ZFP36L1: variants seen among roughly 807,000 people sequenced by gnomAD.
ZFP36L1 encodes the protein mRNA decay activator protein ZFP36L1.
Under a neutral mutation model 16.7 loss-of-function variants are expected in ZFP36L1, and 4 were observed. The ratio of observed to expected loss-of-function variants is 0.24; its 90% CI spans 0.12 to 0.55. The LOEUF (loss-of-function observed/expected upper bound fraction) is 0.55, where lower values mean the gene tolerates loss of function less well. Among genes scored for constraint, ZFP36L1 ranks in the 20% least tolerant of loss-of-function variants. The pLI, the probability that ZFP36L1 is intolerant of heterozygous loss-of-function variation, is 0.94. For missense variants in ZFP36L1, 311 were observed against 449.2 expected, an observed-to-expected ratio of 0.69 and a Z score of 2.78; for synonymous variants, 220 against 190.8, an observed-to-expected ratio of 1.15 and a Z score of -1.26.
upstream of ZFP36L1, chr14:68,793,765 T>C: frequency 1.0e-6 from 1 of 985,478 alleles, no homozygotes; most frequent in Non-Finnish European, 1.2e-6. Context: ...TTGCTGTTTT[T>C]TTTCCAGCGG....
At chr14:68,795,918 A>G, upstream of ZFP36L1, 1 of 1,068,718 alleles carries the variant, frequency 9.4e-7, no homozygotes, top group Non-Finnish European at 1.3e-6. Flanking sequence ...GCCCTCGCCC[A>G]GACGTGGTCG....
upstream of ZFP36L1, chr14:68,795,991 C>A (rs1305437948): frequency 4.6e-6 from 6 of 1,316,354 alleles, no homozygotes; most frequent in Non-Finnish European, 5.0e-6. Flanking sequence ...GCGAGGCGTG[C>A]GTGGCCGTCC....
rs1594716574 is a variant in ZFP36L1 at position 68,790,085 on chromosome 14, C to T, written c.465G>A (p.Thr155=). The T allele has an allele frequency of 5.6e-6, 9 of 1,611,790 alleles. No individual in the cohort carries two copies. In the South Asian group the frequency reaches 7.7e-5, roughly 14 times the overall value. The part of the protein sequence containing the change: ...RSLTRHPKYK[T]ELCRTFHTIG... ...TGGTGTGGAAGGTGCGGCACAGCTCCGTCTTGTACTTGGGGTGGCGGGTCA... is the reference window on the plus strand; with the variant it reads ...TGGTGTGGAAGGTGCGGCACAGCTCTGTCTTGTACTTGGGGTGGCGGGTCA... The change falls in exon 2 of 2, where the codon ACG becomes ACA. Residue 155 remains threonine (T), a synonymous_variant. Coordinates refer to ENST00000439696, the MANE Select transcript of ZFP36L1 (RefSeq NM_004926.4).
chr14:68,792,867 T>TC lies in ZFP36L1; in HGVS notation c.57+14dup. ...AAAAGACTTTTTGAAAAGCAAATGCTCCGCCCCCCTTTACCTTGCATAAAA... is the reference window on the plus strand; with the variant it reads ...AAAAGACTTTTTGAAAAGCAAATGCTCCCGCCCCCCTTTACCTTGCATAAAA... On this transcript the variant is annotated intron_variant, in intron 1 of 1. Coordinates refer to ENST00000439696, the MANE Select transcript of ZFP36L1 (RefSeq NM_004926.4). 4.3e-6 allele frequency: 7 copies of TC among 1,614,070 alleles called. No individual in the cohort carries two copies. The highest frequency in any genetic ancestry group is 5.9e-6 in the Non-Finnish European group (7 of 1,179,970).
intron 1 of ZFP36L1, among the ~76,000 whole-genome samples, chr14:68,792,034 G>C (rs1594717728): frequency 6.6e-6 from 1 of 152,302 alleles, no homozygotes. Flanking sequence ...ATAGACTTTT[G>C]CTATGTACAT....
At chr14:68,792,573 A>T (rs1168797164) in intron 1 of ZFP36L1, among the ~76,000 whole-genome samples, 3 of 152,156 alleles carry the variant, frequency 2.0e-5, no homozygotes, top group South Asian at 2.1e-4. Flanking sequence ...GTAAAACAGG[A>T]TCGCCCAAAA....
intron 1 of ZFP36L1, 121 bp downstream of exon 1, chr14:68,792,761 A>G (rs531499532): frequency 1.4e-6 from 2 of 1,390,592 alleles, no homozygotes; most frequent in Middle Eastern, 2.2e-4. Flanking sequence ...GCCGGAGGAG[A>G]AAAGAATCAT....
chr14:68,790,597 A>T, intron 1 of ZFP36L1, 105 bp from the exon 2 acceptor site: 9 of 1,456,876 alleles, frequency 6.2e-6, no homozygotes, highest in Non-Finnish European at 8.4e-6. Context: ...TTCTCAAAGA[A>T]CTCATCTCTA....
At chr14:68,795,688 C>T (rs1161310412), upstream of ZFP36L1, 6 of 473,826 alleles carry the variant, frequency 1.3e-5, no homozygotes, top group Admixed American at 1.1e-4. Flanking sequence ...TGGCCTAGCC[C>T]GCTCGCTCCC....
rs1348789957 is a variant in ZFP36L1, at chr14:68,789,985, G to T, written c.565C>A (p.Arg189=). The change falls in exon 2 of 2, where the codon CGG becomes AGG. Residue 189 remains arginine (R), a synonymous_variant. Coordinates refer to ENST00000439696, the MANE Select transcript of ZFP36L1 (RefSeq NM_004926.4). The surrounding 1 kb of genome is among the most constrained non-coding windows in gnomAD (Gnocchi z 4.5). The part of the protein sequence containing the change: ...AEERRALAGA[R]DLSADRPRLQ... ...CGGGGACGGTCAGCGGAGAGGTCCC[G>T]GGCCCCGGCCAGGGCACGGCGCTCT... 2.5e-6 allele frequency: 4 copies of T among 1,605,930 alleles called. No homozygotes were observed. Among genetic ancestry groups the T allele is most frequent in the Non-Finnish European group, 3.4e-6 (4 of 1,176,676 alleles).
intron 1 of ZFP36L1, chr14:68,791,220 C>T: frequency 1.7e-6 from 1 of 573,980 alleles, no homozygotes; most frequent in East Asian, 3.0e-5. Context: ...CCGCCCCCTT[C>T]ACTGAGAAGA....
At chr14:68,795,882 G>A (rs777767014), upstream of ZFP36L1, 1 of 685,526 alleles carries the variant, frequency 1.5e-6, no homozygotes, top group African/African-American at 1.8e-5. Context: ...CCGCCGCGGT[G>A]AGGGCCCGAG....
Position 68,790,356 on chromosome 14 carries a change from T to G in ZFP36L1, c.194A>C (p.Asn65Thr), listed in dbSNP as rs1594716798. 1 of 1,613,100 alleles carries G rather than the reference T, an allele frequency of 6.2e-7. No individual in the cohort carries two copies. Among genetic ancestry groups the G allele is most frequent in the Non-Finnish European group, 8.5e-7 (1 of 1,179,678 alleles). ...ACCCTTGAGGCTGCTGAGGAGCTGG[T>G]TCTGGTGGAACTTGGAGCTGGGCAG... is the stretch of plus-strand genomic sequence containing the variant. ...VTLPSSKFHQ[N>T]QLLSSLKGEP... is the part of the protein sequence containing the mutation. The change falls in exon 2 of 2, where the codon AAC (asparagine) becomes ACC (threonine). Residue 65 changes from asparagine (N) to threonine (T), a missense_variant. Physicochemically the swap from Asn to Thr is moderately conservative, Grantham distance 65 (BLOSUM62 0). Around this residue, in one of 4 missense-constraint regions of ZFP36L1, gnomAD observed 137 missense variants for 142.6 expected, o/e 0.96. Coordinates refer to ENST00000439696, the MANE Select transcript of ZFP36L1 (RefSeq NM_004926.4).
At position 68,792,993 on chromosome 14, in the gene ZFP36L1, G is replaced by A. The variant is rs1224137242; in HGVS notation, c.-55C>T. Reference sequence around the variant, plus strand: ...GATCTGGTGTGTCGCGAAGGTCCCGGTGCGGGGAAGGCGCAGCCTCTCCTG... The same window carrying A: ...GATCTGGTGTGTCGCGAAGGTCCCGATGCGGGGAAGGCGCAGCCTCTCCTG... On this transcript the variant is annotated 5_prime_UTR_variant, in exon 1 of 2. Coordinates refer to ENST00000439696, the MANE Select transcript of ZFP36L1 (RefSeq NM_004926.4). 6.2e-7 allele frequency: 1 copy of A among 1,611,236 alleles called. No individual in the cohort carries two copies.
chr14:68,792,739 C>T (rs562106918), intron 1 of ZFP36L1, 143 bp downstream of exon 1: 3 of 1,245,336 alleles, frequency 2.4e-6, no homozygotes, highest in Admixed American at 1.7e-5. Context: ...TTCCTTCAAA[C>T]TTGGGAGAAA....
chr14:68,795,357 G>A (rs1216670558), upstream of ZFP36L1, among the ~76,000 whole-genome samples: 3 of 130,798 alleles, frequency 2.3e-5, no homozygotes, highest in Admixed American at 8.6e-5. Context: ...TTTAACTCCC[G>A]AGGGTTCGCG....
Position 68,789,779 on chromosome 14 carries a change from C to G in ZFP36L1, c.771G>C (p.Glu257Asp), listed in dbSNP as rs1378519104. 4 of 1,613,690 alleles carry G rather than the reference C, an allele frequency of 2.5e-6. No homozygotes were observed. Among genetic ancestry groups the G allele is most frequent in the Non-Finnish European group, 2.5e-6 (3 of 1,179,974 alleles). ...TGCTAGGGGCAAAGAGGCTTGCCAG[C>G]TCCTGGCTGGAGAAGGCAAAAGGGT... ...TNNPFAFSSQ[E>D]LASLFAPSMG... The change falls in exon 2 of 2, where the codon GAG (glutamate) becomes GAC (aspartate). Residue 257 changes from glutamate to aspartate, a missense_variant. Coordinates refer to ENST00000439696, the MANE Select transcript of ZFP36L1 (RefSeq NM_004926.4). This position sits in a 1 kb window ranked among gnomAD's most constrained non-coding sequence, Gnocchi z 4.5.
At chr14:68,791,100 G>C (rs1364161163) in intron 1 of ZFP36L1, 34 of 698,536 alleles carry the variant, frequency 4.9e-5, no homozygotes, top group Non-Finnish European at 8.1e-5. Context: ...TCTGAGGTTG[G>C]GGGAGACAGG....
upstream of ZFP36L1, chr14:68,793,590 C>T: frequency 1.0e-6 from 1 of 985,874 alleles, no homozygotes; most frequent in Non-Finnish European, 1.2e-6. Context: ...GCCCGGGCCG[C>T]GGTTTCCATC....
Sources: allele counts gnomAD v4.1 joint callset (sites outside exome capture counted in the v4.1 genomes callset), GRCh38; gene constraint gnomAD v4.1.1; regional missense constraint gnomAD v4.1.1; non-coding constraint Gnocchi (gnomAD v3.1); transcripts MANE v1.5; gene names NCBI Gene and HGNC (gene_info 2026-07-23, HGNC 2026-07-21).